The following BAALC variants were observed in gnomAD, a reference collection of about 807,000 sequenced individuals.
The protein encoded by BAALC is BAALC binder of MAP3K1 and KLF4, also known as brain and acute leukemia cytoplasmic protein.
A neutral mutation model predicts 15.5 loss-of-function variants in BAALC; 9 were observed. The ratio of observed to expected loss-of-function variants is 0.58; its 90% confidence interval spans 0.35 to 1.02. The LOEUF (loss-of-function observed/expected upper bound fraction) is 1.02. Among genes scored for constraint, BAALC ranks in the 50% least tolerant of loss-of-function variants. BAALC has a pLI of 0.02. For missense variants in BAALC, 201 were observed against 192.4 expected, an observed-to-expected ratio of 1.04 and a Z score of -0.27; for synonymous variants, 80 against 74.6, an observed-to-expected ratio of 1.07 and a Z score of -0.37.
chr8:103,171,445 GAA>G (rs1424553996), intron 1 of BAALC, among the ~76,000 whole-genome samples: 2 of 151,098 alleles, frequency 1.3e-5, no homozygotes, highest in African/African-American at 4.9e-5. Context: ...GAAAGAGAAA[GAA>G]AGTAAGAAAG....
intron 1 of BAALC, chr8:103,200,748 C>T: frequency 1.4e-6 from 1 of 699,324 alleles, no homozygotes; most frequent in Non-Finnish European, 2.6e-6. Context: ...GCACCTCTTG[C>T]TGTGTTCTCA....
At chr8:103,221,952 GACATCAGTCAAATACATTTAAGAAAC>G (rs1416318402) in intron 2 of BAALC, among the ~76,000 whole-genome samples, 2 of 152,170 alleles carry the variant, frequency 1.3e-5, no homozygotes, top group Non-Finnish European at 2.9e-5. Context: ...GGAGGCATGA[GACATCAGTCAAATACATTTAAGAAAC>G]ACATTGGTTT....
intron 1 of BAALC, among the ~76,000 whole-genome samples, chr8:103,176,237 GCA>G (rs1195373947): frequency 1.3e-5 from 2 of 151,902 alleles, no homozygotes; most frequent in South Asian, 2.1e-4. Context: ...ACGCATACAT[GCA>G]CACACACACA....
At chr8:103,206,642 C>T (rs537422100) in intron 1 of BAALC, among the ~76,000 whole-genome samples, 7 of 152,114 alleles carry the variant, frequency 4.6e-5, no homozygotes, top group East Asian at 1.9e-4. Context: ...GAGAGTGAGA[C>T]TGGAGGGGCA....
At chr8:103,171,385 A>AGAGGAAGGAAGGAAAG (rs145937389) in intron 1 of BAALC, among the ~76,000 whole-genome samples, 61,606 of 137,326 alleles carry the variant, frequency 0.45, 13,603 homozygotes, top group South Asian at 0.54. Context: ...GAAAGGCAAG[A>AGAGGAAGGAAGGAAAG]GAGGAAGGAA....
intron 1 of BAALC, among the ~76,000 whole-genome samples, chr8:103,190,564 A>G (rs1811943320): frequency 6.6e-6 from 1 of 152,200 alleles, no homozygotes; most frequent in African/African-American, 2.4e-5. Context: ...AAGTGTTGCA[A>G]TGGAATATGA....
At chr8:103,141,162 G>T (rs1232231579) in intron 1 of BAALC, 105 bp downstream of exon 1, 14 of 1,275,704 alleles carry the variant, frequency 1.1e-5, no homozygotes, top group Non-Finnish European at 1.4e-5. Flanking sequence ...ATGGCGCGGC[G>T]GGGGTGGCTG....
At chr8:103,183,743 G>C (rs532209357) in intron 1 of BAALC, among the ~76,000 whole-genome samples, 14 of 152,276 alleles carry the variant, frequency 9.2e-5, no homozygotes, top group African/African-American at 2.9e-4. Context: ...AATTATTGAA[G>C]CTGGTTGCAG....
chr8:103,153,675 T>C (rs1018439977), intron 1 of BAALC, among the ~76,000 whole-genome samples: 2 of 152,172 alleles, frequency 1.3e-5, no homozygotes, highest in Non-Finnish European at 1.5e-5. Flanking sequence ...AGTGGGAACA[T>C]TTGTGGGTGT....
chr8:103,175,787 C>T (rs1472778390), intron 1 of BAALC, among the ~76,000 whole-genome samples: 1 of 152,288 alleles, frequency 6.6e-6, no homozygotes. Context: ...AGAAGTCCTG[C>T]CTTGCCCACA....
At chr8:103,200,596 T>A (rs1329168174) in intron 1 of BAALC, 5 of 554,724 alleles carry the variant, frequency 9.0e-6, no homozygotes, top group Non-Finnish European at 1.7e-5. Flanking sequence ...TCCTCTGTTC[T>A]GGCTTAGACT....
chr8:103,179,786 C>T (rs1041377749), intron 1 of BAALC, among the ~76,000 whole-genome samples: 2 of 152,210 alleles, frequency 1.3e-5, no homozygotes, highest in African/African-American at 4.8e-5. Flanking sequence ...GATGGTCTTC[C>T]TGGGGAGATA....
chr8:103,140,823 G>T lies in BAALC; in HGVS notation c.-75G>T, dbSNP rs1415453008. Reference sequence around the variant, plus strand: ...CGCCGCCGCCTCCTTGCGGGCCGGGGCTGCGCCTCCGGGGCTGAGCCGCCG... The same window carrying T: ...CGCCGCCGCCTCCTTGCGGGCCGGGTCTGCGCCTCCGGGGCTGAGCCGCCG... On this transcript the variant is annotated 5_prime_UTR_variant, in exon 1 of 3. Transcript: ENST00000309982. This position sits in a 1 kb window ranked among gnomAD's most constrained non-coding sequence, Gnocchi z 4.2. 20 of 1,286,996 alleles carry T rather than the reference G, an allele frequency of 1.6e-5. No individual in the cohort carries two copies. The highest frequency in any genetic ancestry group is 2.0e-5 in the Non-Finnish European group (20 of 1,010,714). 79.7% of individuals were successfully genotyped at this position (1,286,996 alleles called of 1,614,324 possible). A position where few individuals can be genotyped will look rare whatever the true frequency, so the allele number is the denominator to read the frequency against.
At chr8:103,148,214 C>T (rs1810914799) in intron 1 of BAALC, among the ~76,000 whole-genome samples, 1 of 152,104 alleles carries the variant, frequency 6.6e-6, no homozygotes, top group South Asian at 2.1e-4. Flanking sequence ...GATAGAGAGA[C>T]ACACAGGGAG....
At chr8:103,167,646 G>A (rs1586391393) in intron 1 of BAALC, among the ~76,000 whole-genome samples, 1 of 152,182 alleles carries the variant, frequency 6.6e-6, no homozygotes, top group East Asian at 1.9e-4. Flanking sequence ...ATGTGCAAAG[G>A]CCTTGAGGCA....
At chr8:103,198,756 A>T (rs1396178568) in intron 1 of BAALC, among the ~76,000 whole-genome samples, 1 of 152,066 alleles carries the variant, frequency 6.6e-6, no homozygotes, top group Non-Finnish European at 1.5e-5. Flanking sequence ...ATACAAAAAA[A>T]AAAAAATTGC....
At chr8:103,165,686 C>T (rs918706909) in intron 1 of BAALC, 1 of 152,252 alleles carries the variant, frequency 6.6e-6, no homozygotes, top group African/African-American at 2.4e-5. Context: ...TTTTGCATAA[C>T]AAATACTTGT....
chr8:103,205,991 C>T (rs1378076745), intron 1 of BAALC, among the ~76,000 whole-genome samples: 1 of 152,160 alleles, frequency 6.6e-6, no homozygotes, highest in Non-Finnish European at 1.5e-5. Context: ...TTTTGCATAA[C>T]CCCAATAGGG....
intron 1 of BAALC, among the ~76,000 whole-genome samples, chr8:103,181,457 G>C (rs1811727694): frequency 6.6e-6 from 1 of 150,496 alleles, no homozygotes; most frequent in Non-Finnish European, 1.5e-5. Flanking sequence ...ATTTTTAGTA[G>C]AGATGGGGGT....
Sources: gnomAD v4.1 joint callset for allele counts (sites outside exome capture counted in the v4.1 genomes callset) on GRCh38, gnomAD v4.1.1 for gene constraint, Gnocchi (gnomAD v3.1) non-coding constraint, MANE v1.5 for transcripts, NCBI Gene and HGNC (gene_info 2026-07-23, HGNC 2026-07-21) for gene names.